The following CACNA2D3 variants were observed in gnomAD, a reference collection of about 807,000 sequenced individuals.
CACNA2D3 encodes the protein voltage-dependent calcium channel subunit alpha-2/delta-3.
CACNA2D3 carries 60 observed loss-of-function variants against 160.6 expected under a neutral mutation model. The ratio of observed to expected loss-of-function variants is 0.37; its 90% CI spans 0.30 to 0.46. The LOEUF (loss-of-function observed/expected upper bound fraction) is 0.46, where lower values mean the gene tolerates loss of function less well. Ranked by LOEUF, CACNA2D3 falls within the 20% of genes least tolerant of loss-of-function variation. CACNA2D3 has a pLI of 1.00. For missense variants in CACNA2D3, 1,205 were observed against 1,365.0 expected, an observed-to-expected ratio of 0.88 and a Z score of 1.85; for synonymous variants, 558 against 492.9, an observed-to-expected ratio of 1.13 and a Z score of -1.75.
chr3:54,824,938 A>G (rs565536269), intron 14 of CACNA2D3, among the ~76,000 whole-genome samples: 1 of 152,340 alleles, frequency 6.6e-6, no homozygotes, highest in South Asian at 2.1e-4. Context: ...AAAACCAAAA[A>G]TTGATTTTAC....
chr3:54,339,436 AT>A (rs1704467337), intron 3 of CACNA2D3, among the ~76,000 whole-genome samples: 1 of 151,876 alleles, frequency 6.6e-6, no homozygotes, highest in Non-Finnish European at 1.5e-5. Flanking sequence ...TTACGCTATC[AT>A]TTTCTCTCAT....
intron 26 of CACNA2D3, among the ~76,000 whole-genome samples, chr3:54,898,460 T>C (rs1700250845): frequency 6.6e-6 from 1 of 152,138 alleles, no homozygotes; most frequent in East Asian, 1.9e-4. Flanking sequence ...TGACCTAAAG[T>C]GATCCACCCT....
At chr3:54,538,394 C>A (rs1701921083) in intron 5 of CACNA2D3, among the ~76,000 whole-genome samples, 1 of 152,160 alleles carries the variant, frequency 6.6e-6, no homozygotes, top group African/African-American at 2.4e-5. Flanking sequence ...CTTTCCTCCC[C>A]CTCCTCCAGC....
intron 4 of CACNA2D3, among the ~76,000 whole-genome samples, chr3:54,494,969 C>T (rs1282504003): frequency 1.3e-5 from 2 of 152,182 alleles, no homozygotes; most frequent in Non-Finnish European, 1.5e-5. Flanking sequence ...GTCCCTCCCT[C>T]GACACCTGGG....
chr3:55,039,103 A>C (rs1194959061), intron 35 of CACNA2D3, among the ~76,000 whole-genome samples: 1 of 151,892 alleles, frequency 6.6e-6, no homozygotes, highest in Non-Finnish European at 1.5e-5. Context: ...GCTACCCTGA[A>C]AGATCATTCT....
intron 16 of CACNA2D3, among the ~76,000 whole-genome samples, chr3:54,841,347 A>G (rs1489919815): frequency 1.3e-5 from 2 of 152,234 alleles, no homozygotes; most frequent in African/African-American, 4.8e-5. Flanking sequence ...AAGATCAACT[A>G]TAGAAAATTA....
At chr3:54,439,250 TGA>T (rs1700105908) in intron 4 of CACNA2D3, among the ~76,000 whole-genome samples, 2 of 152,138 alleles carry the variant, frequency 1.3e-5, no homozygotes, top group South Asian at 4.1e-4. Flanking sequence ...TTGTCTCCTT[TGA>T]GGTTACTGTG....
intron 9 of CACNA2D3, among the ~76,000 whole-genome samples, chr3:54,590,425 A>G (rs1702836484): frequency 6.6e-6 from 1 of 152,140 alleles, no homozygotes; most frequent in African/African-American, 2.4e-5. Flanking sequence ...GGGGTTAGGC[A>G]TGGGAGTGGG....
chr3:54,880,912 C>G, intron 21 of CACNA2D3, 49 bp downstream of exon 21: 1 of 1,509,866 alleles, frequency 6.6e-7, no homozygotes, highest in South Asian at 1.1e-5. Flanking sequence ...GAGGAAAGCT[C>G]GGGAGCTAGC....
At chr3:54,207,837 G>A (rs763048625) in intron 2 of CACNA2D3, among the ~76,000 whole-genome samples, 12 of 152,058 alleles carry the variant, frequency 7.9e-5, no homozygotes, top group Non-Finnish European at 1.8e-4. Context: ...ATTTCCACAA[G>A]ATTACTTTGG....
At chr3:54,183,622 C>T (rs1342733171) in intron 2 of CACNA2D3, among the ~76,000 whole-genome samples, 3 of 151,932 alleles carry the variant, frequency 2.0e-5, no homozygotes, top group Admixed American at 6.6e-5. Flanking sequence ...CGGTAGCTCA[C>T]GCTTGTAATC....
chr3:54,968,543 C>T (rs764840626), intron 28 of CACNA2D3, 32 bp downstream of exon 28: 21 of 1,537,044 alleles, frequency 1.4e-5, no homozygotes, highest in South Asian at 4.6e-5. Flanking sequence ...GAAGCATTAG[C>T]GACACTGTTA....
chr3:54,145,737 G>T (rs1368139430), intron 2 of CACNA2D3, among the ~76,000 whole-genome samples: 2 of 152,158 alleles, frequency 1.3e-5, no homozygotes, highest in East Asian at 1.9e-4. Flanking sequence ...AGACCAACAG[G>T]CAACTTTTCA....
intron 27 of CACNA2D3, among the ~76,000 whole-genome samples, chr3:54,927,285 C>G (rs1259903186): frequency 1.3e-5 from 2 of 152,036 alleles, no homozygotes; most frequent in Non-Finnish European, 2.9e-5. Flanking sequence ...GAAAGAGAGT[C>G]TTCTCAGTTT....
intron 2 of CACNA2D3, among the ~76,000 whole-genome samples, chr3:54,183,300 GGT>G (rs1263141084): frequency 1.3e-5 from 2 of 150,048 alleles, no homozygotes; most frequent in East Asian, 3.9e-4. Context: ...ACCTAATTCT[GGT>G]TGATAGGGTT....
At chr3:54,829,638 G>A (rs1444164740) in intron 14 of CACNA2D3, among the ~76,000 whole-genome samples, 3 of 152,048 alleles carry the variant, frequency 2.0e-5, no homozygotes, top group South Asian at 2.1e-4. Context: ...CAAACTGCAG[G>A]ACATGGGTGA....
chr3:54,287,514 C>G (rs1316412527), intron 2 of CACNA2D3, among the ~76,000 whole-genome samples: 8 of 149,796 alleles, frequency 5.3e-5, no homozygotes, highest in Admixed American at 1.3e-4. Context: ...TTAGACAGAT[C>G]AACGAGACAG....
chr3:54,790,726 T>C (rs1253982149), intron 13 of CACNA2D3, among the ~76,000 whole-genome samples: 1 of 152,134 alleles, frequency 6.6e-6, no homozygotes, highest in Non-Finnish European at 1.5e-5. Context: ...CACTCGCACC[T>C]CTGGAGCCTG....
rs115427700 is a variant in CACNA2D3 at position 54,792,379 on chromosome 3, T to C, written c.1381-24474T>C. On this transcript the variant is annotated intron_variant, in intron 13 of 37. Coordinates refer to ENST00000474759, the MANE Select transcript of CACNA2D3 (RefSeq NM_018398.3). The stretch of plus-strand genomic sequence containing the variant: ...ACTGGAATAGATAACTTATAATATG[T>C]TGACATAGTGAATCAGGCTTCTTTG... Among the ~76,000 whole-genome samples the C allele has an allele frequency of 9.6e-3, 1,460 of 152,330 alleles. 29 individuals are homozygous for C. Among genetic ancestry groups the C allele is most frequent in the African/African-American group, 0.034 (1,398 of 41,570 alleles).
Sources: gnomAD v4.1 joint callset for allele counts (sites outside exome capture counted in the v4.1 genomes callset) on GRCh38, gnomAD v4.1.1 for gene constraint, MANE v1.5 for transcripts, NCBI Gene and HGNC (gene_info 2026-07-23, HGNC 2026-07-21) for gene names.